The following PDZD2 variants were observed in gnomAD, a reference collection of about 807,000 sequenced individuals.
PDZD2 encodes the protein PDZ domain containing 2.
PDZD2 carries 90 observed loss-of-function variants against 220.7 expected under a neutral mutation model. That is an observed-to-expected ratio of 0.41 (90% CI 0.34 to 0.49). The LOEUF is 0.49. PDZD2 is among the 20% of genes least tolerant of loss of function. PDZD2 has a pLI of 0.28. For missense variants in PDZD2, 3,174 were observed against 3,608.5 expected (o/e 0.88, Z 3.08); for synonymous variants, 1,375 against 1,450.5 (o/e 0.95, Z 1.18).
In PDZD2 at chr5:31,976,588, C is replaced by T. The variant is rs1749784104; in HGVS notation, c.477-6567C>T. Among the ~76,000 whole-genome samples, 5 of 152,134 alleles carry T rather than the reference C, an allele frequency of 3.3e-5. No individual in the cohort carries two copies. In the South Asian group the frequency reaches 1.0e-3, roughly 32 times the overall value. On this transcript the variant is annotated intron_variant, in intron 2 of 24. Coordinates refer to ENST00000438447, the MANE Select transcript of PDZD2 (RefSeq NM_178140.4). ...ACATACTCAGATGAAGTAAGAGTGC[C>T]TGCTTTGGTGAAAAGTCTTCAGAAT...
At chr5:31,891,722 C>A (rs980859025) in intron 2 of PDZD2, among the ~76,000 whole-genome samples, 1 of 152,182 alleles carries the variant, frequency 6.6e-6, no homozygotes, top group Non-Finnish European at 1.5e-5. Context: ...CCAACGCTGT[C>A]AATCCGAGCA....
chr5:32,050,468 A>G (rs1278427021), intron 8 of PDZD2, among the ~76,000 whole-genome samples: 2 of 151,234 alleles, frequency 1.3e-5, no homozygotes, highest in Non-Finnish European at 2.9e-5. Context: ...TCCTCTTTTT[A>G]TTTTCTGCCC....
intron 2 of PDZD2, among the ~76,000 whole-genome samples, chr5:31,861,070 A>G (rs1310619774): frequency 4.6e-5 from 7 of 152,182 alleles, no homozygotes; most frequent in Non-Finnish European, 1.0e-4. Flanking sequence ...GTTTCTAGGG[A>G]AGGTATGCCC....
intron 2 of PDZD2, among the ~76,000 whole-genome samples, chr5:31,808,092 G>C (rs1754845199): frequency 6.6e-6 from 1 of 152,190 alleles, no homozygotes; most frequent in South Asian, 2.1e-4. Flanking sequence ...GGAGATGGTA[G>C]AGAGAAAGAA....
chr5:31,739,452 T>C (rs1291645748), intron 1 of PDZD2, among the ~76,000 whole-genome samples: 3 of 152,200 alleles, frequency 2.0e-5, no homozygotes, highest in Non-Finnish European at 4.4e-5. Flanking sequence ...TAGTATTATA[T>C]AGTTATTAAA....
At chr5:31,667,850 T>C (rs1156767302) in intron 1 of PDZD2, among the ~76,000 whole-genome samples, 2 of 143,256 alleles carry the variant, frequency 1.4e-5, no homozygotes, top group African/African-American at 2.6e-5. Flanking sequence ...TGCCTTTTTT[T>C]TTTCCTTTTT....
chr5:31,818,944 G>A (rs62348965), intron 2 of PDZD2, among the ~76,000 whole-genome samples: 60,783 of 151,956 alleles, frequency 0.4, 12,839 homozygotes, highest in Middle Eastern at 0.49. Flanking sequence ...TTTTCAGACT[G>A]CCTTTGTTGA....
In PDZD2 at chr5:32,087,936, A is replaced by T; in HGVS notation, c.4488A>T (p.Gln1496His). ...AWAAGAPAYP[Q>H]WASQPSVLDS... ...CTGCTGGTGCCCCCGCCTACCCACA[A>T]TGGGCCTCCCAGCCTTCGGTTTTAG... Residue 1496 changes from glutamine to histidine, a missense_variant, in exon 20 of 25, where the codon CAA (glutamine) becomes CAT (histidine). Physicochemically the swap from Gln to His is conservative, Grantham distance 24. This residue lies in a region of PDZD2 where 1,861 missense variants were observed against 2,001.0 expected (regional missense o/e 0.93). Coordinates refer to ENST00000438447, the MANE Select transcript of PDZD2 (RefSeq NM_178140.4). The surrounding 1 kb of genome is among the most constrained non-coding windows in gnomAD (Gnocchi z 4.0). The T allele has an allele frequency of 6.2e-7, 1 of 1,613,846 alleles. No homozygotes were observed. Among genetic ancestry groups the T allele is most frequent in the Non-Finnish European group, 8.5e-7 (1 of 1,179,868 alleles).
chr5:31,817,010 C>A (rs561366070), intron 2 of PDZD2, among the ~76,000 whole-genome samples: 1 of 151,782 alleles, frequency 6.6e-6, no homozygotes, highest in Admixed American at 6.6e-5. Flanking sequence ...GGTGAAACCC[C>A]GTGTCTACTA....
intron 2 of PDZD2, among the ~76,000 whole-genome samples, chr5:31,911,550 C>CT (rs1366755909): frequency 3.3e-5 from 5 of 152,248 alleles, no homozygotes; most frequent in Admixed American, 2.6e-4. Context: ...TTTCGTTTCT[C>CT]TGTTTTCTTG....
At chr5:31,655,321 C>T (rs1233790128) in intron 1 of PDZD2, among the ~76,000 whole-genome samples, 1 of 152,098 alleles carries the variant, frequency 6.6e-6, no homozygotes, top group Admixed American at 6.5e-5. Context: ...TACAGATGCA[C>T]ACCACCACGC....
intron 6 of PDZD2, among the ~76,000 whole-genome samples, chr5:32,034,592 C>A (rs1430977737): frequency 1.3e-5 from 2 of 152,028 alleles, no homozygotes; most frequent in Non-Finnish European, 1.5e-5. Flanking sequence ...AACTCCTGGC[C>A]TCAAGTGATC....
intron 1 of PDZD2, among the ~76,000 whole-genome samples, chr5:31,689,374 A>C (rs1387992029): frequency 6.2e-5 from 1 of 16,044 alleles, no homozygotes; most frequent in African/African-American, 4.2e-4. Flanking sequence ...TTTTTTTTTT[A>C]AGTCGAGACG....
intron 1 of PDZD2, among the ~76,000 whole-genome samples, chr5:31,730,592 G>GTGTGGTGTGT (rs3222598): frequency 8.3e-6 from 1 of 121,170 alleles, no homozygotes; most frequent in African/African-American, 3.1e-5. Context: ...GTGTGTGTGT[G>GTGTGGTGTGT]GTGTGTGTGT....
In PDZD2 at chr5:31,850,067, T is replaced by C. The variant is rs1055210892; in HGVS notation, c.476+50343T>C. ...ATATATATACGTGTATATATAAGTA[T>C]ATATATGTGTATATATAAGTATATA... On this transcript the variant is annotated intron_variant, in intron 2 of 24. Coordinates refer to ENST00000438447, the MANE Select transcript of PDZD2 (RefSeq NM_178140.4). Among the ~76,000 whole-genome samples, 8 of 139,912 alleles carry C rather than the reference T, an allele frequency of 5.7e-5. No individual in the cohort carries two copies. The South Asian group carries it at 1.8e-3, about 32-fold the overall frequency. 91.8% of individuals were successfully genotyped at this position (139,912 alleles called of 152,430 possible). A position where few individuals can be genotyped will look rare whatever the true frequency, so the allele number is the denominator to read the frequency against.
intron 3 of PDZD2, among the ~76,000 whole-genome samples, chr5:31,990,608 G>C (rs1751131249): frequency 6.6e-6 from 1 of 152,150 alleles, no homozygotes; most frequent in South Asian, 2.1e-4. Flanking sequence ...TCAGTCGCAA[G>C]GACCATCATG....
At chr5:31,959,610 A>G (rs1415754482) in intron 2 of PDZD2, among the ~76,000 whole-genome samples, 1 of 152,114 alleles carries the variant, frequency 6.6e-6, no homozygotes, top group Non-Finnish European at 1.5e-5. Context: ...TCGACCTCTC[A>G]AAGTGCTGGG....
chr5:31,695,944 C>G (rs907763243), intron 1 of PDZD2, among the ~76,000 whole-genome samples: 2 of 152,142 alleles, frequency 1.3e-5, no homozygotes, highest in Non-Finnish European at 2.9e-5. Context: ...TCTTTTGATT[C>G]TCTTCCCCAA....
At chr5:31,782,692 G>C (rs1753123714) in intron 1 of PDZD2, among the ~76,000 whole-genome samples, 1 of 147,846 alleles carries the variant, frequency 6.8e-6, no homozygotes, top group Non-Finnish European at 1.5e-5. Flanking sequence ...GGCTGGCTTG[G>C]AAAGACCACT....
Sources: gnomAD v4.1 joint callset for allele counts (sites outside exome capture counted in the v4.1 genomes callset) on GRCh38, gnomAD v4.1.1 for gene constraint, gnomAD v4.1.1 regional missense constraint, Gnocchi (gnomAD v3.1) non-coding constraint, MANE v1.5 for transcripts, NCBI Gene and HGNC (gene_info 2026-07-23, HGNC 2026-07-21) for gene names.